Variants in LAPTM4B observed in about 807,000 individuals in gnomAD.
The protein encoded by LAPTM4B is lysosomal-associated transmembrane protein 4B.
A neutral mutation model predicts 28.5 loss-of-function variants in LAPTM4B; 26 were observed. The observed-to-expected ratio is 0.91, with a 90% CI of 0.67 to 1.27. The LOEUF (loss-of-function observed/expected upper bound fraction) is 1.27. Among genes scored for constraint, LAPTM4B ranks in the 50% most tolerant of loss-of-function variants. LAPTM4B has a pLI of 0.00. For synonymous variants in LAPTM4B, 109 were observed against 106.4 expected, an observed-to-expected ratio of 1.02 and a Z score of -0.15; for missense variants, 288 against 285.8, an observed-to-expected ratio of 1.01 and a Z score of -0.06.
intron 1 of LAPTM4B, among the ~76,000 whole-genome samples, chr8:97,777,527 A>G (rs1168095493): frequency 6.6e-6 from 1 of 152,010 alleles, no homozygotes; most frequent in Non-Finnish European, 1.5e-5. Context: ...TGGGTAGAAT[A>G]TGGACTTTTT....
intron 6 of LAPTM4B, among the ~76,000 whole-genome samples, chr8:97,827,198 G>A (rs1817103285): frequency 6.6e-6 from 1 of 152,318 alleles, no homozygotes; most frequent in Admixed American, 6.5e-5. Context: ...ATTACCCTAG[G>A]TGTGTCAGGT....
At chr8:97,809,428 G>A (rs528267495) in intron 2 of LAPTM4B, among the ~76,000 whole-genome samples, 21 of 152,248 alleles carry the variant, frequency 1.4e-4, no homozygotes, top group South Asian at 8.3e-4. Context: ...GACCAGGTGC[G>A]GTAGCTCACA....
At chr8:97,791,782 T>C (rs1816501965) in intron 1 of LAPTM4B, among the ~76,000 whole-genome samples, 1 of 152,218 alleles carries the variant, frequency 6.6e-6, no homozygotes, top group South Asian at 2.1e-4. Context: ...GCACCTGTAT[T>C]TTATGAACAT....
chr8:97,821,340 A>G (rs140038161), intron 5 of LAPTM4B, among the ~76,000 whole-genome samples: 72 of 151,214 alleles, frequency 4.8e-4, no homozygotes, highest in African/African-American at 1.6e-3. Flanking sequence ...AAAAATAGTG[A>G]AATGTTGGGG....
At position 97,775,791 on chromosome 8, in the gene LAPTM4B, C is replaced by A; in HGVS notation, c.-219C>A. On this transcript the variant is annotated 5_prime_UTR_variant, in exon 1 of 7. Transcript: ENST00000521545. ...AAGTCCGCCCCGCCCCCTCCCCGTCCCCGCCGCTGCAGCGGTCGCCTTCGG... is the reference window on the plus strand; with the variant it reads ...AAGTCCGCCCCGCCCCCTCCCCGTCACCGCCGCTGCAGCGGTCGCCTTCGG... 6.4e-7 allele frequency: 1 copy of A among 1,569,894 alleles called. No individual in the cohort carries two copies. The highest frequency in any genetic ancestry group is 8.6e-7 in the Non-Finnish European group (1 of 1,164,036).
Position 97,776,119 on chromosome 8 carries a change from C to T in LAPTM4B, c.99+11C>T. 1 of 1,563,116 alleles carries T rather than the reference C, an allele frequency of 6.4e-7. No homozygotes were observed. Among genetic ancestry groups the T allele is most frequent in the Non-Finnish European group, 8.6e-7 (1 of 1,163,994 alleles). On this transcript the variant is annotated intron_variant, in intron 1 of 6. Transcript: ENST00000521545. ...GGCGTCTGGTATCTGGTGAGCGCGG[C>T]GCGCCCGGCCCGGGACCCTGCGTTG... is the stretch of plus-strand genomic sequence containing the variant.
intron 1 of LAPTM4B, among the ~76,000 whole-genome samples, chr8:97,779,433 C>G (rs571639090): frequency 1.3e-5 from 2 of 151,646 alleles, no homozygotes; most frequent in East Asian, 3.9e-4. Flanking sequence ...TGCAGTGAGC[C>G]AAGATTGTGC....
chr8:97,806,482 C>T (rs1008493689), intron 2 of LAPTM4B, among the ~76,000 whole-genome samples: 5 of 152,036 alleles, frequency 3.3e-5, no homozygotes, highest in Admixed American at 6.6e-5. Context: ...TGAGAAAGTC[C>T]GGAGTCAGGA....
At position 97,776,001 on chromosome 8, in the gene LAPTM4B, C is replaced by T. The variant is rs748179283; in HGVS notation, c.-9C>T. On this transcript the variant is annotated 5_prime_UTR_variant, in exon 1 of 7. Transcript: ENST00000521545. Reference sequence around the variant, plus strand: ...TTGCGCGCGCGCTCGCGCCACTGCGCCCGGAGCGATGAAGATGGTCGCGCC... The same window carrying T: ...TTGCGCGCGCGCTCGCGCCACTGCGTCCGGAGCGATGAAGATGGTCGCGCC... The T allele has an allele frequency of 5.1e-6, 8 of 1,571,736 alleles. No homozygotes were observed. Among genetic ancestry groups the T allele is most frequent in the Non-Finnish European group, 6.9e-6 (8 of 1,164,754 alleles).
chr8:97,781,353 C>T (rs1280375852), intron 1 of LAPTM4B, among the ~76,000 whole-genome samples: 2 of 130,512 alleles, frequency 1.5e-5, no homozygotes, highest in African/African-American at 5.9e-5. Context: ...AATCTCAGCT[C>T]ACTGCAACCT....
chr8:97,806,755 G>A (rs1051432652), intron 2 of LAPTM4B, among the ~76,000 whole-genome samples: 2 of 152,054 alleles, frequency 1.3e-5, no homozygotes, highest in Non-Finnish European at 2.9e-5. Context: ...CCAGGAGTTC[G>A]AGACCAGCCT....
chr8:97,850,260 C>G (rs925140400), intron 6 of LAPTM4B, among the ~76,000 whole-genome samples: 2 of 152,036 alleles, frequency 1.3e-5, no homozygotes, highest in East Asian at 1.9e-4. Context: ...AGTACAGGTG[C>G]CCTCTGCCTA....
intron 6 of LAPTM4B, among the ~76,000 whole-genome samples, chr8:97,828,307 G>A (rs1418394023): frequency 1.3e-5 from 2 of 152,164 alleles, no homozygotes; most frequent in East Asian, 3.9e-4. Flanking sequence ...TTAAATTGAA[G>A]GGAGACCCTG....
intron 6 of LAPTM4B, among the ~76,000 whole-genome samples, chr8:97,846,766 A>T (rs1220468339): frequency 6.6e-6 from 1 of 152,232 alleles, no homozygotes; most frequent in East Asian, 1.9e-4. Flanking sequence ...TATTTTGCCC[A>T]GGGTAGTCTG....
At chr8:97,796,756 A>G (rs565264659) in intron 1 of LAPTM4B, among the ~76,000 whole-genome samples, 1 of 152,184 alleles carries the variant, frequency 6.6e-6, no homozygotes, top group Admixed American at 6.5e-5. Context: ...TCTGGCCAAC[A>G]TGGTAAAACC....
chr8:97,850,340 T>C (rs535563776), intron 6 of LAPTM4B, among the ~76,000 whole-genome samples: 1 of 151,726 alleles, frequency 6.6e-6, no homozygotes, highest in African/African-American at 2.4e-5. Flanking sequence ...TCCGCAAACA[T>C]CTGAGTTCCT....
chr8:97,852,978 C>A lies in LAPTM4B; in HGVS notation c.*1504C>A. 1.2e-5 allele frequency: 7 copies of A among 600,248 alleles called. No homozygotes were observed. In the South Asian group the frequency reaches 1.5e-4, roughly 13 times the overall value. The allele number at this position is 600,248 out of a possible 1,614,324, so 37.2% of individuals were successfully genotyped here. ...AAACAGAAGTAGAAAAAGGTGTAGC[C>A]GGCATACAAATGTTATCTACAGTGT... On this transcript the variant is annotated 3_prime_UTR_variant, in exon 7 of 7. Transcript: ENST00000521545.
At chr8:97,840,143 G>A (rs943661294) in intron 6 of LAPTM4B, among the ~76,000 whole-genome samples, 3 of 152,246 alleles carry the variant, frequency 2.0e-5, no homozygotes, top group Admixed American at 6.5e-5. Flanking sequence ...TAGGATTACC[G>A]AGGTGATAGC....
intron 1 of LAPTM4B, among the ~76,000 whole-genome samples, chr8:97,787,007 T>TG (rs1345957168): frequency 1.3e-5 from 2 of 150,678 alleles, no homozygotes; most frequent in East Asian, 3.9e-4. Flanking sequence ...GGCTGGGGGG[T>TG]GGGGGTGTAG....
Sources: allele counts gnomAD v4.1 joint callset (sites outside exome capture counted in the v4.1 genomes callset), GRCh38; gene constraint gnomAD v4.1.1; transcripts MANE v1.5; gene names NCBI Gene and HGNC (gene_info 2026-07-23, HGNC 2026-07-21).